LHPP: variants seen among roughly 807,000 people sequenced by gnomAD.
The protein encoded by LHPP is hLHPP.
A neutral mutation model predicts 30.3 loss-of-function variants in LHPP; 24 were observed. The ratio of observed to expected loss-of-function variants is 0.79; its 90% CI spans 0.57 to 1.11. LHPP has a LOEUF of 1.11. Ranked by LOEUF, LHPP falls within the 50% of genes most tolerant of loss-of-function variation. The probability of loss-of-function intolerance (pLI) is 0.00; values close to 1 mark genes in which losing one functional copy is unlikely to be tolerated. For missense variants in LHPP, 356 were observed against 367.2 expected, an observed-to-expected ratio of 0.97 and a Z score of 0.25; for synonymous variants, 150 against 157.1, an observed-to-expected ratio of 0.95 and a Z score of 0.34.
chr10:124,547,626 C>T (rs1164786297), intron 6 of LHPP, among the ~76,000 whole-genome samples: 1 of 152,266 alleles, frequency 6.6e-6, no homozygotes, highest in Non-Finnish European at 1.5e-5. Flanking sequence ...GATGCTGTAG[C>T]TTGCCTGAAA....
At chr10:124,534,348 T>C (rs1954969159) in intron 6 of LHPP, among the ~76,000 whole-genome samples, 2 of 152,240 alleles carry the variant, frequency 1.3e-5, no homozygotes, top group Admixed American at 6.5e-5. Context: ...TAGTTTGTTT[T>C]GTTAGTCTCC....
At chr10:124,474,120 G>T (rs1314900039) in intron 1 of LHPP, among the ~76,000 whole-genome samples, 1 of 148,654 alleles carries the variant, frequency 6.7e-6, no homozygotes, top group Non-Finnish European at 1.5e-5. Context: ...TTGAAGAGTG[G>T]GTTGCTTTGC....
chr10:124,599,704 G>A (rs1394581907), intron 6 of LHPP, among the ~76,000 whole-genome samples: 1 of 152,272 alleles, frequency 6.6e-6, no homozygotes, highest in Admixed American at 6.5e-5. Context: ...TGGACATGCT[G>A]TGGGTGTCCT....
At chr10:124,567,467 G>GT (rs1564834591) in intron 6 of LHPP, among the ~76,000 whole-genome samples, 1 of 152,246 alleles carries the variant, frequency 6.6e-6, no homozygotes, top group Admixed American at 6.5e-5. Flanking sequence ...AGTAGAAAAC[G>GT]TAAGTGAGGT....
chr10:124,582,098 T>A (rs34634316), intron 6 of LHPP, among the ~76,000 whole-genome samples: 40,247 of 151,024 alleles, frequency 0.27, 5,352 homozygotes, highest in East Asian at 0.35. Context: ...TATATATATT[T>A]TTTAAAGTCA....
At chr10:124,464,119 G>C (rs1952491806) in intron 1 of LHPP, among the ~76,000 whole-genome samples, 1 of 152,190 alleles carries the variant, frequency 6.6e-6, no homozygotes, top group African/African-American at 2.4e-5. Flanking sequence ...TGGCCAGCCA[G>C]AAGGACACTT....
chr10:124,613,710 A>C lies in LHPP; in HGVS notation c.*350A>C. The C allele has an allele frequency of 2.3e-5, 8 of 351,182 alleles. No homozygotes were observed. Among genetic ancestry groups the C allele is most frequent in the East Asian group, 1.7e-4 (3 of 17,786 alleles). The allele number at this position is 351,182 out of a possible 1,614,324, so 21.8% of individuals were successfully genotyped here. The stretch of plus-strand genomic sequence containing the variant: ...CAAATCCCAGAACTCACCACTCACC[A>C]TGGGCCTTTAAATGCAGTAAACTCC... On this transcript the variant is annotated 3_prime_UTR_variant, in exon 7 of 7. Transcript: ENST00000368842.
chr10:124,529,766 A>G (rs768870799), intron 6 of LHPP, among the ~76,000 whole-genome samples: 10 of 151,860 alleles, frequency 6.6e-5, no homozygotes, highest in Non-Finnish European at 1.3e-4. Flanking sequence ...CCACACTCAC[A>G]TGCGGGTCCT....
chr10:124,567,439 AG>A (rs1948510466), intron 6 of LHPP, among the ~76,000 whole-genome samples: 1 of 152,196 alleles, frequency 6.6e-6, no homozygotes, highest in Admixed American at 6.5e-5. Flanking sequence ...TCCACTCATG[AG>A]TGGGAATAAA....
intron 1 of LHPP, among the ~76,000 whole-genome samples, chr10:124,469,482 C>T (rs951412278): frequency 5.9e-5 from 9 of 151,626 alleles, no homozygotes; most frequent in African/African-American, 2.2e-4. Context: ...CTTAACCACC[C>T]ACCTTCCCTT....
chr10:124,542,990 G>A (rs1053079326), intron 6 of LHPP, among the ~76,000 whole-genome samples: 9 of 152,152 alleles, frequency 5.9e-5, no homozygotes, highest in African/African-American at 9.7e-5. Context: ...AGTGTCTGTC[G>A]TTGCCCCTGC....
rs1176760592 is a variant in LHPP at position 124,510,982 on chromosome 10, G to A, written c.625-6198G>A. Reference sequence around the variant, plus strand: ...TGTGCATGCAGCAGACACTGGTGCTGGTCCCATTCCCGGGAGCACGCGGTG... The same window carrying A: ...TGTGCATGCAGCAGACACTGGTGCTAGTCCCATTCCCGGGAGCACGCGGTG... On this transcript the variant is annotated intron_variant, in intron 5 of 6. Transcript: ENST00000368842. This position sits in a 1 kb window ranked among gnomAD's most constrained non-coding sequence, Gnocchi z 4.0. Among the ~76,000 whole-genome samples the A allele has an allele frequency of 6.6e-6, 1 of 152,202 alleles. No individual in the cohort carries two copies. The highest frequency in any genetic ancestry group is 1.9e-4 in the East Asian group (1 of 5,190).
At chr10:124,610,929 A>C (rs1159417367) in intron 6 of LHPP, among the ~76,000 whole-genome samples, 8 of 53,190 alleles carry the variant, frequency 1.5e-4, no homozygotes, top group Non-Finnish European at 2.7e-4. Flanking sequence ...GGAGCGGGCG[A>C]GGGTGAGGGT....
At chr10:124,575,010 C>T (rs562537630) in intron 6 of LHPP, among the ~76,000 whole-genome samples, 4 of 152,312 alleles carry the variant, frequency 2.6e-5, no homozygotes, top group Admixed American at 1.3e-4. Flanking sequence ...CATGCAACCT[C>T]CCCCTTGCCA....
intron 1 of LHPP, among the ~76,000 whole-genome samples, chr10:124,482,069 C>T (rs1953154390): frequency 6.6e-6 from 1 of 152,198 alleles, no homozygotes. Flanking sequence ...CAGTCCCTCA[C>T]CCATAACATG....
rs566115735 is a variant in LHPP, at chr10:124,565,111, C to T, written c.716+47840C>T. On this transcript the variant is annotated intron_variant, in intron 6 of 6. Coordinates refer to ENST00000368842, the MANE Select transcript of LHPP (RefSeq NM_022126.4). ...CTCTGATGTTTGCAAACACGACGCCCGGCAATAAGTGAGGCCCCCCTGAGG... is the reference window on the plus strand; with the variant it reads ...CTCTGATGTTTGCAAACACGACGCCTGGCAATAAGTGAGGCCCCCCTGAGG... Among the ~76,000 whole-genome samples the T allele has an allele frequency of 1.2e-4, 19 of 152,244 alleles. No homozygotes were observed. The East Asian group carries it at 3.3e-3, about 26-fold the overall frequency.
At chr10:124,610,220 C>T (rs1321218310) in intron 6 of LHPP, among the ~76,000 whole-genome samples, 1 of 152,218 alleles carries the variant, frequency 6.6e-6, no homozygotes, top group East Asian at 1.9e-4. Flanking sequence ...CCCTGTGTGG[C>T]ATCACAGAAT....
Position 124,539,704 on chromosome 10 carries a change from C to G in LHPP, c.716+22433C>G, listed in dbSNP as rs189546531. Among the ~76,000 whole-genome samples, 33 of 148,768 alleles carry G rather than the reference C, an allele frequency of 2.2e-4. No homozygotes were observed. The Admixed American group carries it at 2.2e-3, about 10-fold the overall frequency. ...TGAGCTGAGATCGTGCCACTGCACT[C>G]TAGCCTGGGCGACAGAGCAAAACCC... On this transcript the variant is annotated intron_variant, in intron 6 of 6. Coordinates refer to ENST00000368842, the MANE Select transcript of LHPP (RefSeq NM_022126.4).
At chr10:124,493,610 G>T (rs1287288172) in intron 3 of LHPP, 1 of 152,214 alleles carries the variant, frequency 6.6e-6, no homozygotes, top group Non-Finnish European at 1.5e-5. Flanking sequence ...TCTGGGAAAG[G>T]TCAAGTGGTC....
Sources: gnomAD v4.1 joint callset for allele counts (sites outside exome capture counted in the v4.1 genomes callset) on GRCh38, gnomAD v4.1.1 for gene constraint, Gnocchi (gnomAD v3.1) non-coding constraint, MANE v1.5 for transcripts, NCBI Gene and HGNC (gene_info 2026-07-23, HGNC 2026-07-21) for gene names.